KIAA1328: variants seen among roughly 807,000 people sequenced by gnomAD.
KIAA1328 encodes the protein KIAA1328, also known as protein hinderin.
Under a neutral mutation model 68.1 loss-of-function variants are expected in KIAA1328, and 52 were observed. That is an observed-to-expected ratio of 0.76 (90% CI 0.61 to 0.96). The LOEUF is 0.96. Among genes scored for constraint, KIAA1328 ranks in the 40% least tolerant of loss-of-function variants. The pLI is 0.00. For synonymous variants in KIAA1328, 232 were observed against 239.4 expected, an observed-to-expected ratio of 0.97 and a Z score of 0.28; for missense variants, 641 against 677.6, an observed-to-expected ratio of 0.95 and a Z score of 0.60.
intron 5 of KIAA1328, among the ~76,000 whole-genome samples, chr18:36,890,046 T>A (rs1020514626): frequency 2.6e-5 from 4 of 152,118 alleles, no homozygotes; most frequent in Non-Finnish European, 5.9e-5. Flanking sequence ...GTTTGTTTGT[T>A]TGTTTTCCAC....
chr18:36,889,713 C>CT (rs1352118331), intron 5 of KIAA1328, among the ~76,000 whole-genome samples: 1 of 152,170 alleles, frequency 6.6e-6, no homozygotes, highest in Non-Finnish European at 1.5e-5. Context: ...AGGACCTAGT[C>CT]TAAGTAGCCA....
intron 4 of KIAA1328, among the ~76,000 whole-genome samples, chr18:36,879,815 C>T (rs2048269439): frequency 6.6e-6 from 1 of 152,172 alleles, no homozygotes; most frequent in Non-Finnish European, 1.5e-5. Flanking sequence ...TTCCCACTGG[C>T]TTTGTTTACA....
Position 36,957,769 on chromosome 18 carries a change from T to G in KIAA1328, c.449-1539T>G, listed in dbSNP as rs553806976. 1.4e-4 allele frequency among the ~76,000 whole-genome samples: 21 copies of G among 152,312 alleles called. No homozygotes were observed. In the South Asian group the frequency reaches 2.3e-3, roughly 17 times the overall value. Reference sequence around the variant, plus strand: ...CTTACCAGAACAGTGTTATTACTTGTACCCCATACTGATTTTTTAAAATAA... The same window carrying G: ...CTTACCAGAACAGTGTTATTACTTGGACCCCATACTGATTTTTTAAAATAA... On this transcript the variant is annotated intron_variant, in intron 5 of 9. Transcript: ENST00000280020.
chr18:37,079,884 CAAAAAA>C (rs200381832), intron 7 of KIAA1328, among the ~76,000 whole-genome samples: 1 of 95,278 alleles, frequency 1.0e-5, no homozygotes, highest in Non-Finnish European at 2.0e-5. Flanking sequence ...AAGGCTGTCT[CAAAAAA>C]AAAAAAAAAA....
At chr18:36,854,432 C>T (rs1205259425) in intron 4 of KIAA1328, among the ~76,000 whole-genome samples, 1 of 152,120 alleles carries the variant, frequency 6.6e-6, no homozygotes, top group Non-Finnish European at 1.5e-5. Flanking sequence ...AGTTCCATAT[C>T]AAAAATACAA....
intron 5 of KIAA1328, among the ~76,000 whole-genome samples, chr18:36,932,463 A>G (rs1184112524): frequency 1.3e-5 from 2 of 152,170 alleles, no homozygotes; most frequent in African/African-American, 4.8e-5. Context: ...GGGTCAAGCA[A>G]TCCACCCACC....
intron 6 of KIAA1328, among the ~76,000 whole-genome samples, chr18:37,051,437 A>C (rs1221779225): frequency 4.6e-5 from 7 of 152,170 alleles, no homozygotes; most frequent in Non-Finnish European, 8.8e-5. Context: ...TATACATACA[A>C]ACTAGAAAGC....
rs926871996 is a variant in KIAA1328 at position 36,969,374 on chromosome 18, G to A, written c.576+9939G>A. Among the ~76,000 whole-genome samples the A allele has an allele frequency of 4.0e-5, 6 of 151,710 alleles. No individual in the cohort carries two copies. The East Asian group carries it at 1.2e-3, about 29-fold the overall frequency. On this transcript the variant is annotated intron_variant, in intron 6 of 9. Transcript: ENST00000280020. ...CTGGTCTTTTGAAAAAAATTAATAA[G>A]CTGGATAAACCACTAGGCAGACTAA... is the stretch of plus-strand genomic sequence containing the variant.
intron 6 of KIAA1328, among the ~76,000 whole-genome samples, chr18:36,987,251 C>T (rs1216259665): frequency 4.5e-5 from 5 of 111,018 alleles, no homozygotes; most frequent in East Asian, 2.6e-4. Flanking sequence ...AACCAAACAC[C>T]GCATATTCTC....
chr18:36,838,196 A>G (rs557921911), intron 3 of KIAA1328, among the ~76,000 whole-genome samples: 75 of 152,304 alleles, frequency 4.9e-4, no homozygotes, highest in African/African-American at 1.7e-3. Flanking sequence ...TTCTAATCTA[A>G]TAGTTCTTTT....
At chr18:37,208,565 G>A (rs1327658055) in intron 9 of KIAA1328, among the ~76,000 whole-genome samples, 2 of 152,156 alleles carry the variant, frequency 1.3e-5, no homozygotes, top group African/African-American at 2.4e-5. Flanking sequence ...AGAAGTTGAG[G>A]ATGACAGAGC....
chr18:37,080,723 T>G (rs1195407188), intron 7 of KIAA1328, among the ~76,000 whole-genome samples: 1 of 148,506 alleles, frequency 6.7e-6, no homozygotes, highest in African/African-American at 2.5e-5. Context: ...TGCAGTGCAG[T>G]GAGCCGAGAT....
chr18:37,211,751 G>C (rs757499512), intron 9 of KIAA1328, among the ~76,000 whole-genome samples: 1 of 152,086 alleles, frequency 6.6e-6, no homozygotes, highest in Admixed American at 6.5e-5. Context: ...ATATTTCATA[G>C]TAATGAGTAC....
At chr18:36,974,836 C>G in intron 6 of KIAA1328, among the ~76,000 whole-genome samples, 1 of 152,190 alleles carries the variant, frequency 6.6e-6, no homozygotes, top group Non-Finnish European at 1.5e-5. Flanking sequence ...CTAATGGACT[C>G]TGGCTCAAAA....
At chr18:37,146,840 A>G (rs1568464902) in intron 7 of KIAA1328, among the ~76,000 whole-genome samples, 2 of 152,170 alleles carry the variant, frequency 1.3e-5, no homozygotes, top group South Asian at 4.1e-4. Context: ...CATTATTGTC[A>G]TATACATTAG....
intron 7 of KIAA1328, among the ~76,000 whole-genome samples, chr18:37,139,018 AC>A (rs1386539104): frequency 3.1e-5 from 4 of 128,598 alleles, no homozygotes; most frequent in African/African-American, 6.2e-5. Flanking sequence ...GTGCAGTGGC[AC>A]GATCTTGGCT....
rs558287830 is a variant in KIAA1328 at position 36,906,714 on chromosome 18, TGCTTTTG to T, written c.448+21051_448+21057del. Among the ~76,000 whole-genome samples, 263 of 152,242 alleles carry T rather than the reference TGCTTTTG, an allele frequency of 1.7e-3. 1 individual carries two copies. The highest frequency in any genetic ancestry group is 6.1e-3 in the African/African-American group (254 of 41,570). ...CTCATTTATTAAAGCACATCTTGGTTGCTTTTGGCTTTTGGTAATTATGAAAGAGCTA... is the reference window on the plus strand; with the variant it reads ...CTCATTTATTAAAGCACATCTTGGTTGCTTTTGGTAATTATGAAAGAGCTA... On this transcript the variant is annotated intron_variant, in intron 5 of 9. Transcript: ENST00000280020.
At chr18:37,120,415 A>G (rs1222921488) in intron 7 of KIAA1328, among the ~76,000 whole-genome samples, 1 of 152,130 alleles carries the variant, frequency 6.6e-6, no homozygotes, top group African/African-American at 2.4e-5. Context: ...CTGAGATGGA[A>G]TGGTGAAAAA....
chr18:36,859,120 T>A (rs887990383), intron 4 of KIAA1328, among the ~76,000 whole-genome samples: 1 of 152,156 alleles, frequency 6.6e-6, no homozygotes, highest in Admixed American at 6.5e-5. Flanking sequence ...TATAATTCTA[T>A]CCATTTGCAT....
Sources: gnomAD v4.1 joint callset for allele counts (sites outside exome capture counted in the v4.1 genomes callset) on GRCh38, gnomAD v4.1.1 for gene constraint, MANE v1.5 for transcripts, NCBI Gene and HGNC (gene_info 2026-07-23, HGNC 2026-07-21) for gene names.